The following BCAT1 variants were observed in gnomAD, a reference collection of about 807,000 sequenced individuals.
The protein encoded by BCAT1 is branched chain amino acid transaminase 1.
In BCAT1, 48 loss-of-function variants were observed where a neutral mutation model predicts 52.4. The observed-to-expected ratio is 0.92, with a 90% CI of 0.73 to 1.16. The LOEUF (loss-of-function observed/expected upper bound fraction) is 1.16. BCAT1 is among the 50% of genes most tolerant of loss of function. The probability of loss-of-function intolerance (pLI) is 0.00; values close to 1 mark genes in which losing one functional copy is unlikely to be tolerated. For missense variants in BCAT1, 451 were observed against 457.1 expected (o/e 0.99, Z 0.12); for synonymous variants, 167 against 161.3 (o/e 1.04, Z -0.27).
intron 6 of BCAT1, among the ~76,000 whole-genome samples, chr12:24,844,531 G>A (rs1941274520): frequency 6.6e-6 from 1 of 152,268 alleles, no homozygotes; most frequent in Middle Eastern, 3.4e-3. Context: ...AGTAAGCTGT[G>A]GAAAATAGAC....
intron 8 of BCAT1, among the ~76,000 whole-genome samples, chr12:24,835,848 C>T (rs936955690): frequency 3.9e-5 from 6 of 152,232 alleles, no homozygotes; most frequent in African/African-American, 1.4e-4. Flanking sequence ...GCCTTGGCCT[C>T]CCAAAATGCT....
At chr12:24,922,267 C>T (rs1386827623) in intron 1 of BCAT1, among the ~76,000 whole-genome samples, 2 of 152,144 alleles carry the variant, frequency 1.3e-5, no homozygotes, top group East Asian at 3.8e-4. Context: ...TAGGCTCAAG[C>T]GATCCACCTG....
chr12:24,912,869 T>C (rs769604109), intron 1 of BCAT1, among the ~76,000 whole-genome samples: 1 of 152,196 alleles, frequency 6.6e-6, no homozygotes, highest in African/African-American at 2.4e-5. Context: ...CTTCAGAAGG[T>C]TGCTCAAAAT....
chr12:24,832,766 G>A lies in BCAT1; in HGVS notation c.1001C>T (p.Ala334Val). Residue 334 changes from alanine (A) to valine (V), a missense_variant, in exon 9 of 11, where the codon GCC becomes GTC. Physicochemically the swap from Ala to Val is moderately conservative, Grantham distance 64. Coordinates refer to ENST00000261192, the MANE Select transcript of BCAT1 (RefSeq NM_005504.7). ...ATCAGAAACTGGGCAAACAACACAGGCTGTACCAGAGCCAAACATCTCTCT... is the reference window on the plus strand; with the variant it reads ...ATCAGAAACTGGGCAAACAACACAGACTGTACCAGAGCCAAACATCTCTCT... ...RVREMFGSGT[A>V]CVVCPVSDIL... 6.2e-7 allele frequency: 1 copy of A among 1,611,304 alleles called. No homozygotes were observed. The highest frequency in any genetic ancestry group is 8.5e-7 in the Non-Finnish European group (1 of 1,178,684).
At chr12:24,822,979 T>C (rs147306684) in intron 10 of BCAT1, among the ~76,000 whole-genome samples, 1 of 152,202 alleles carries the variant, frequency 6.6e-6, no homozygotes, top group Non-Finnish European at 1.5e-5. Context: ...AACTATATAT[T>C]TTACTTTTAA....
chr12:24,844,380 G>A (rs1173624986), intron 6 of BCAT1, among the ~76,000 whole-genome samples: 3 of 152,014 alleles, frequency 2.0e-5, no homozygotes, highest in Non-Finnish European at 4.4e-5. Flanking sequence ...GCAGTGAGCC[G>A]AGATTGTGCC....
intron 10 of BCAT1, among the ~76,000 whole-genome samples, chr12:24,826,572 G>A (rs984609245): frequency 5.3e-5 from 8 of 152,198 alleles, no homozygotes; most frequent in African/African-American, 1.9e-4. Flanking sequence ...AGGTAGTGTG[G>A]TGATTCTAAC....
intron 1 of BCAT1, among the ~76,000 whole-genome samples, chr12:24,946,250 T>G (rs949530462): frequency 6.6e-6 from 1 of 152,242 alleles, no homozygotes; most frequent in African/African-American, 2.4e-5. Flanking sequence ...AGCTGTTTAC[T>G]TCCCTAGCTT....
intron 1 of BCAT1, among the ~76,000 whole-genome samples, chr12:24,927,551 A>G (rs1943610151): frequency 6.6e-6 from 1 of 152,252 alleles, no homozygotes; most frequent in Non-Finnish European, 1.5e-5. Context: ...TTAAACCATA[A>G]GGGAAAGAGA....
At chr12:24,898,628 G>C (rs1270688205) in intron 2 of BCAT1, among the ~76,000 whole-genome samples, 2 of 140,514 alleles carry the variant, frequency 1.4e-5, no homozygotes, top group East Asian at 4.6e-4. Flanking sequence ...CAAGTCTCAA[G>C]CCTCAGCCTC....
rs142713005 is a variant in BCAT1 at position 24,814,292 on chromosome 12, C to T, written c.*3716G>A. ...AACTCTTCTGCCGGCTTACTTGGTACCTCTGATGAATATTTATTGCTCTAA... is the reference window on the plus strand; with the variant it reads ...AACTCTTCTGCCGGCTTACTTGGTATCTCTGATGAATATTTATTGCTCTAA... On this transcript the variant is annotated 3_prime_UTR_variant, in exon 11 of 11. Transcript: ENST00000261192. 6.6e-6 allele frequency: 1 copy of T among 152,076 alleles called. No homozygotes were observed. Among genetic ancestry groups the T allele is most frequent in the East Asian group, 1.9e-4 (1 of 5,184 alleles). 9.4% of individuals were successfully genotyped at this position (152,076 alleles called of 1,614,324 possible).
intron 6 of BCAT1, among the ~76,000 whole-genome samples, chr12:24,845,159 A>G (rs942009746): frequency 1.3e-5 from 2 of 151,546 alleles, no homozygotes; most frequent in African/African-American, 4.8e-5. Context: ...GGTTGCAGTG[A>G]GCTGAGATGG....
chr12:24,934,201 C>T (rs1943720888), intron 1 of BCAT1, among the ~76,000 whole-genome samples: 2 of 152,222 alleles, frequency 1.3e-5, no homozygotes, highest in South Asian at 4.1e-4. Flanking sequence ...CCTATATCAT[C>T]ATAAGATCTG....
At chr12:24,939,943 AT>A (rs544116126) in intron 1 of BCAT1, among the ~76,000 whole-genome samples, 1 of 152,184 alleles carries the variant, frequency 6.6e-6, no homozygotes, top group Non-Finnish European at 1.5e-5. Context: ...AAAGGCTTCA[AT>A]TTTTTTCATT....
intron 5 of BCAT1, among the ~76,000 whole-genome samples, chr12:24,858,104 G>A (rs1268981983): frequency 6.6e-6 from 1 of 152,158 alleles, no homozygotes; most frequent in Non-Finnish European, 1.5e-5. Context: ...TTAGGCCCCA[G>A]AAACTGCATG....
chr12:24,829,776 AAAAAGAAAAGAAAAGGAAAG>A (rs748949966), intron 10 of BCAT1, 27 bp downstream of exon 10: 3 of 1,255,118 alleles, frequency 2.4e-6, no homozygotes, highest in Non-Finnish European at 3.3e-6. Context: ...GTGACATAAA[AAAAAGAAAAGAAAAGGAAAG>A]AAAAGAAAAG....
intron 1 of BCAT1, among the ~76,000 whole-genome samples, chr12:24,924,271 A>C (rs7299023): frequency 0.19 from 28,912 of 152,204 alleles, 2,877 homozygotes; most frequent in Non-Finnish European, 0.23. Context: ...TCTTTACACA[A>C]GAATGCTACT....
chr12:24,881,789 G>C (rs1318690273), intron 3 of BCAT1, among the ~76,000 whole-genome samples: 1 of 152,080 alleles, frequency 6.6e-6, no homozygotes, highest in African/African-American at 2.4e-5. Context: ...TGGCACCGTG[G>C]CCCCCAAAGA....
At position 24,905,634 on chromosome 12, in the gene BCAT1, A is replaced by G. The variant is rs1464612281; in HGVS notation, c.7-3749T>C. 2.6e-5 allele frequency among the ~76,000 whole-genome samples: 4 copies of G among 152,222 alleles called. No homozygotes were observed. The South Asian group carries it at 8.3e-4, about 31-fold the overall frequency. Reference sequence around the variant, plus strand: ...GTACGGTAATATAATTTCTTCATTCAAGAAGTGCTATTAGTCAGCAACAGC... The same window carrying G: ...GTACGGTAATATAATTTCTTCATTCGAGAAGTGCTATTAGTCAGCAACAGC... On this transcript the variant is annotated intron_variant, in intron 1 of 10. Coordinates refer to ENST00000261192, the MANE Select transcript of BCAT1 (RefSeq NM_005504.7).
Sources: allele counts gnomAD v4.1 joint callset (sites outside exome capture counted in the v4.1 genomes callset), GRCh38; gene constraint gnomAD v4.1.1; transcripts MANE v1.5; gene names NCBI Gene and HGNC (gene_info 2026-07-23, HGNC 2026-07-21).